CRYL1: variants seen among roughly 807,000 people sequenced by gnomAD.
CRYL1 encodes lambda-crystallin homolog.
In CRYL1, 29 loss-of-function variants were observed where a neutral mutation model predicts 36.6. The observed-to-expected ratio is 0.79, with a 90% CI of 0.59 to 1.08. The LOEUF (loss-of-function observed/expected upper bound fraction) is 1.08, where lower values mean the gene tolerates loss of function less well. Among genes scored for constraint, CRYL1 ranks in the 50% least tolerant of loss-of-function variants. The pLI is 0.00. For missense variants in CRYL1, 411 were observed against 407.9 expected (o/e 1.01, Z -0.06); for synonymous variants, 152 against 151.5 (o/e 1.00, Z -0.02).
chr13:20,518,147 G>C (rs554279305), intron 1 of CRYL1, among the ~76,000 whole-genome samples: 1 of 151,784 alleles, frequency 6.6e-6, no homozygotes, highest in Non-Finnish European at 1.5e-5. Flanking sequence ...AGAAGGCAAC[G>C]ATGACTCACT....
At chr13:20,484,276 G>C (rs1490437344) in intron 3 of CRYL1, among the ~76,000 whole-genome samples, 1 of 152,306 alleles carries the variant, frequency 6.6e-6, no homozygotes, top group Non-Finnish European at 1.5e-5. Context: ...ACCCTGAGAT[G>C]AGGCAGCACC....
Position 20,458,430 on chromosome 13 carries a change from T to C in CRYL1, c.277-18676A>G, listed in dbSNP as rs117273420. On this transcript the variant is annotated intron_variant, in intron 3 of 7. Transcript: ENST00000298248. ...TTCTGGAGCCGTGGACCCTTTGAAA[T>C]CTTAACATCTAGACCAGCATCCAAC... is the stretch of plus-strand genomic sequence containing the variant. Among the ~76,000 whole-genome samples the C allele has an allele frequency of 5.8e-3, 876 of 152,272 alleles. 8 individuals carry two copies. Among genetic ancestry groups the C allele is most frequent in the Non-Finnish European group, 8.2e-3 (555 of 68,020 alleles).
chr13:20,479,632 TATCA>T (rs2137458638), intron 3 of CRYL1, among the ~76,000 whole-genome samples: 1 of 152,320 alleles, frequency 6.6e-6, no homozygotes, highest in African/African-American at 2.4e-5. Flanking sequence ...AAAGACACAC[TATCA>T]TTACAATTAT....
At chr13:20,453,035 A>G (rs2032604896) in intron 3 of CRYL1, among the ~76,000 whole-genome samples, 1 of 152,244 alleles carries the variant, frequency 6.6e-6, no homozygotes, top group Non-Finnish European at 1.5e-5. Flanking sequence ...AGACCTCAAT[A>G]ACTTTCTTTC....
At chr13:20,405,921 C>CCCTCCCTGCTG (rs2031362057) in intron 6 of CRYL1, 1 of 152,338 alleles carries the variant, frequency 6.6e-6, no homozygotes, top group Non-Finnish European at 1.5e-5. Flanking sequence ...CACATTCCTC[C>CCCTCCCTGCTG]CCTCCCTGCT....
chr13:20,427,272 C>T (rs2031954071), intron 5 of CRYL1: 2 of 985,458 alleles, frequency 2.0e-6, no homozygotes, highest in Non-Finnish European at 2.4e-6. Context: ...ATTTCCAAGA[C>T]CACAGGGCTG....
intron 2 of CRYL1, among the ~76,000 whole-genome samples, chr13:20,505,722 G>A (rs752884087): frequency 1.8e-4 from 28 of 152,206 alleles, no homozygotes; most frequent in Non-Finnish European, 2.9e-4. Context: ...CAGGGAAGAT[G>A]CCTGTGGACA....
chr13:20,475,196 G>A (rs1049610082), intron 3 of CRYL1, among the ~76,000 whole-genome samples: 4 of 152,104 alleles, frequency 2.6e-5, no homozygotes, highest in East Asian at 3.9e-4. Flanking sequence ...CAGGAGCACC[G>A]GGAAGAGGGC....
chr13:20,503,004 C>G lies in CRYL1; in HGVS notation c.149+9439G>C, dbSNP rs191752135. Among the ~76,000 whole-genome samples, 12 of 148,948 alleles carry G rather than the reference C, an allele frequency of 8.1e-5. No homozygotes were observed. The East Asian group carries it at 2.1e-3, about 26-fold the overall frequency. On this transcript the variant is annotated intron_variant, in intron 2 of 7. Coordinates refer to ENST00000298248, the MANE Select transcript of CRYL1 (RefSeq NM_015974.3). ...GGATCATGCCGGAAGCACGCAGGAT[C>G]ATACCGGAAGCGCACGGCCTCAGAA...
intron 3 of CRYL1, among the ~76,000 whole-genome samples, chr13:20,446,767 T>C (rs1157021381): frequency 6.6e-6 from 1 of 152,336 alleles, no homozygotes; most frequent in Non-Finnish European, 1.5e-5. Flanking sequence ...CTCGAGGCTC[T>C]AATTATGCCT....
Position 20,424,439 on chromosome 13 carries a change from C to G in CRYL1, c.633+7663G>C, listed in dbSNP as rs569426586. 3.9e-5 allele frequency among the ~76,000 whole-genome samples: 6 copies of G among 152,330 alleles called. No individual in the cohort carries two copies. The East Asian group carries it at 9.6e-4, about 24-fold the overall frequency. On this transcript the variant is annotated intron_variant, in intron 5 of 7. Coordinates refer to ENST00000298248, the MANE Select transcript of CRYL1 (RefSeq NM_015974.3). ...GAATAGTCAGAGCCAAGAGAGCTCT[C>G]CAGTACCCTCTGGTAAGGCACTTAC...
intron 2 of CRYL1, among the ~76,000 whole-genome samples, chr13:20,507,240 A>T (rs1051382924): frequency 6.6e-6 from 1 of 152,230 alleles, no homozygotes; most frequent in Non-Finnish European, 1.5e-5. Flanking sequence ...AGTTGGGAAA[A>T]TTTTAAAATA....
chr13:20,498,458 G>C (rs944830458), intron 2 of CRYL1, among the ~76,000 whole-genome samples: 5 of 152,102 alleles, frequency 3.3e-5, no homozygotes, highest in Non-Finnish European at 5.9e-5. Flanking sequence ...CTAATGGAAA[G>C]CCAGTGTCTA....
At chr13:20,499,089 T>C (rs2033659125) in intron 2 of CRYL1, among the ~76,000 whole-genome samples, 1 of 152,194 alleles carries the variant, frequency 6.6e-6, no homozygotes, top group Non-Finnish European at 1.5e-5. Context: ...TTGCCTGTAA[T>C]TGCAACACTT....
intron 3 of CRYL1, among the ~76,000 whole-genome samples, chr13:20,473,547 T>C (rs1446351132): frequency 6.6e-6 from 1 of 152,182 alleles, no homozygotes; most frequent in Non-Finnish European, 1.5e-5. Context: ...AGGATGGCGC[T>C]CCAAAGTAGA....
chr13:20,417,096 A>G (rs1325443832), intron 5 of CRYL1, among the ~76,000 whole-genome samples: 1 of 152,230 alleles, frequency 6.6e-6, no homozygotes, highest in African/African-American at 2.4e-5. Context: ...ACCACAAGGC[A>G]TTCAGTTGAG....
In CRYL1 at chr13:20,403,882, T is replaced by A; in HGVS notation, c.*247A>T. 2.9e-6 allele frequency: 1 copy of A among 349,770 alleles called. No homozygotes were observed. Among genetic ancestry groups the A allele is most frequent in the Non-Finnish European group, 5.1e-6 (1 of 194,894 alleles). 21.7% of individuals were successfully genotyped at this position (349,770 alleles called of 1,614,324 possible). ...AGAAAAGGTGAAAATCTCCAGGTTA[T>A]CTGCCCAGGTGGCAGGAAATCGACA... On this transcript the variant is annotated 3_prime_UTR_variant, in exon 8 of 8. Transcript: ENST00000298248.
intron 6 of CRYL1, among the ~76,000 whole-genome samples, chr13:20,407,905 G>C (rs2031418683): frequency 6.6e-6 from 1 of 152,204 alleles, no homozygotes. Context: ...GTATGCAGCA[G>C]GCACCAGAGG....
intron 2 of CRYL1, among the ~76,000 whole-genome samples, chr13:20,506,988 A>G (rs2033805218): frequency 6.6e-6 from 1 of 152,210 alleles, no homozygotes; most frequent in Non-Finnish European, 1.5e-5. Flanking sequence ...TATTCTCATA[A>G]CAGTGAATAA....
Sources: gnomAD v4.1 joint callset for allele counts (sites outside exome capture counted in the v4.1 genomes callset) on GRCh38, gnomAD v4.1.1 for gene constraint, MANE v1.5 for transcripts, NCBI Gene and HGNC (gene_info 2026-07-23, HGNC 2026-07-21) for gene names.